LARP7: variants seen among roughly 807,000 people sequenced by gnomAD.
The protein encoded by LARP7 is La ribonucleoprotein 7, transcriptional regulator, also known as la-related protein 7.
Under a neutral mutation model 69.3 loss-of-function variants are expected in LARP7, and 52 were observed. That is an observed-to-expected ratio of 0.75 (90% CI 0.60 to 0.95). LARP7 has a LOEUF of 0.95. Among genes scored for constraint, LARP7 ranks in the 40% least tolerant of loss-of-function variants. The pLI is 0.00. For synonymous variants in LARP7, 254 were observed against 215.9 expected (o/e 1.18, Z -1.55); for missense variants, 733 against 673.0 (o/e 1.09, Z -0.99).
intron 11 of LARP7, among the ~76,000 whole-genome samples, chr4:112,653,805 T>C (rs552134747): frequency 1.3e-5 from 2 of 152,296 alleles, no homozygotes; most frequent in Admixed American, 6.5e-5. Context: ...ATATTTTTAG[T>C]AGAGAAGGGG....
At position 112,644,914 on chromosome 4, in the gene LARP7, GC is replaced by G. The variant is rs372774657; in HGVS notation, c.202+45del. On this transcript the variant is annotated intron_variant, in intron 2 of 12. Coordinates refer to ENST00000344442, the MANE Select transcript of LARP7 (RefSeq NM_016648.4). ...AAGGAACCAATTTTTAGATATGGTTGCCTTTAAATTTACTTATAAAATAATA... is the reference window on the plus strand; with the variant it reads ...AAGGAACCAATTTTTAGATATGGTTGCTTTAAATTTACTTATAAAATAATA... 148 of 873,264 alleles carry G rather than the reference GC, an allele frequency of 1.7e-4. No individual in the cohort carries two copies. The East Asian group carries it at 3.8e-3, about 23-fold the overall frequency. 54.1% of individuals were successfully genotyped at this position (873,264 alleles called of 1,614,324 possible). A position where few individuals can be genotyped will look rare whatever the true frequency, so the allele number is the denominator to read the frequency against.
Position 112,644,677 on chromosome 4 carries a change from CTG to C in LARP7, c.9_10del (p.Glu4LysfsTer14), listed in dbSNP as rs1198805616. On this transcript the variant is annotated frameshift_variant, in exon 2 of 13. Coordinates refer to ENST00000344442, the MANE Select transcript of LARP7 (RefSeq NM_016648.4). LOFTEE classifies it high-confidence loss of function. ...TTCTTGTAATTCACAGGAATGGAAA[CTG>C]AAAGTGGAAATCAGGAAAAGGTAAT... 3.1e-6 allele frequency: 5 copies of C among 1,598,400 alleles called. No individual in the cohort carries two copies. The highest frequency in any genetic ancestry group is 2.2e-5 in the East Asian group (1 of 44,462).
intron 12 of LARP7, chr4:112,654,385 T>A: frequency 2.4e-6 from 1 of 412,016 alleles, no homozygotes; most frequent in Non-Finnish European, 4.4e-6. Context: ...TTAATTTAGA[T>A]TTTTTCTTTT....
rs557175363 is a variant in LARP7, at chr4:112,642,453, T to C, written c.-2-2215T>C. ...AGTTTGATGAGAATGCATGTTTAGT[T>C]GGAGATTTGAGGTGAAATGCATTAA... On this transcript the variant is annotated intron_variant, in intron 1 of 12. Transcript: ENST00000344442. Among the ~76,000 whole-genome samples the C allele has an allele frequency of 2.6e-5, 4 of 152,360 alleles. No individual in the cohort carries two copies. In the East Asian group the frequency reaches 5.8e-4, roughly 22 times the overall value.
rs775430086 is a variant in LARP7 at position 112,647,231 on chromosome 4, C to A, written c.679C>A (p.Arg227=). ...GAAAAAGAAAAAGAAGAAGAAAGGC[C>A]GAATGAAAAAGGAAGACAATATCCA... is the stretch of plus-strand genomic sequence containing the variant. The part of the protein sequence containing the change: ...EKKKKKKKKG[R]MKKEDNIQAK... Residue 227 remains arginine, a synonymous_variant, in exon 7 of 13, where the codon CGA becomes AGA. Transcript: ENST00000344442. 7 of 1,595,814 alleles carry A rather than the reference C, an allele frequency of 4.4e-6. No homozygotes were observed. In the Admixed American group the frequency reaches 1.3e-4, roughly 29 times the overall value.
At chr4:112,653,263 T>C (rs1008720962) in intron 11 of LARP7, 27 bp downstream of exon 11, 1 of 1,545,702 alleles carries the variant, frequency 6.5e-7, no homozygotes, top group Non-Finnish European at 8.7e-7. Context: ...GTTTCCTTTT[T>C]TTTTTGTTAT....
chr4:112,647,134 A>G lies in LARP7; in HGVS notation c.646+7A>G. 1 of 1,601,372 alleles carries G rather than the reference A, an allele frequency of 6.2e-7. No individual in the cohort carries two copies. The highest frequency in any genetic ancestry group is 1.8e-5 in the Admixed American group (1 of 56,422). On this transcript the variant is annotated splice_region_variant and intron_variant, in intron 6 of 12. Coordinates refer to ENST00000344442, the MANE Select transcript of LARP7 (RefSeq NM_016648.4). ...CCAGCCTTAAGAGTTGTGGGTGAGTATTTTTCAATATTTAAATAGGTGTAG... is the reference window on the plus strand; with the variant it reads ...CCAGCCTTAAGAGTTGTGGGTGAGTGTTTTTCAATATTTAAATAGGTGTAG...
intron 11 of LARP7, among the ~76,000 whole-genome samples, chr4:112,653,670 G>T (rs548824369): frequency 1.3e-5 from 2 of 152,254 alleles, no homozygotes; most frequent in Admixed American, 1.3e-4. Context: ...TTTTAATAGA[G>T]ACGGGGTTTC....
At position 112,649,680 on chromosome 4, in the gene LARP7, G is replaced by A. The variant is rs1180046429; in HGVS notation, c.1288G>A (p.Glu430Lys). 9 of 1,582,974 alleles carry A rather than the reference G, an allele frequency of 5.7e-6. No homozygotes were observed. In the Admixed American group the frequency reaches 7.5e-5, roughly 13 times the overall value. Reference sequence around the variant, plus strand: ...ACCTCAAAACACTGGAATGAAAAATGAAAAAAGTAAAGATCACTGATAGTT... The same window carrying A: ...ACCTCAAAACACTGGAATGAAAAATAAAAAAAGTAAAGATCACTGATAGTT... ...GVPQNTGMKNEKTANREECRT... is the reference protein window; with the variant it reads ...GVPQNTGMKNKKTANREECRT... Residue 430 changes from glutamate (E) to lysine (K), a missense_variant, in exon 9 of 13, where the codon GAA becomes AAA. Physicochemically the swap from Glu to Lys is moderately conservative, Grantham distance 56. Coordinates refer to ENST00000344442, the MANE Select transcript of LARP7 (RefSeq NM_016648.4).
Position 112,654,157 on chromosome 4 carries a change from A to G in LARP7, c.1666A>G (p.Lys556Glu), listed in dbSNP as rs1260190511. The change falls in exon 12 of 13, where the codon AAG (lysine) becomes GAG (glutamate). Residue 556 changes from lysine (K) to glutamate (E), a missense_variant and splice_region_variant. Transcript: ENST00000344442. ...QPREKKRGTEKLITKAEKIRL... is the reference protein window; with the variant it reads ...QPREKKRGTEELITKAEKIRL... The stretch of plus-strand genomic sequence containing the variant: ...TCGGGAAAAGAAAAGAGGCACTGAA[A>G]AGGTAATTGATTCATTTTTGTTTTT... 2 of 1,611,948 alleles carry G rather than the reference A, an allele frequency of 1.2e-6. No individual in the cohort carries two copies. The highest frequency in any genetic ancestry group is 1.7e-6 in the Non-Finnish European group (2 of 1,178,308).
Position 112,645,531 on chromosome 4 carries a change from G to A in LARP7, c.202+660G>A, listed in dbSNP as rs145607208. On this transcript the variant is annotated intron_variant, in intron 2 of 12. Coordinates refer to ENST00000344442, the MANE Select transcript of LARP7 (RefSeq NM_016648.4). ...TTTTTGTTTCATTTTTTTGAGGCAA[G>A]GTCTATCTTTTTTCCCTAGGCAGGA... 5.9e-3 allele frequency: 2,710 copies of A among 456,058 alleles called. 75 individuals carry two copies. In the East Asian group the frequency reaches 0.093, roughly 16 times the overall value. The allele number at this position is 456,058 out of a possible 1,614,324, so 28.3% of individuals were successfully genotyped here.
At position 112,647,742 on chromosome 4, in the gene LARP7, C is replaced by T. The variant is rs777955582; in HGVS notation, c.1050C>T (p.Ser350=). The change falls in exon 8 of 13, where the codon AGC becomes AGT. Residue 350 remains serine, a synonymous_variant. Transcript: ENST00000344442. ...EEKDTGDLKD[S]SLLKTKRKHK... ...AGGATACTGGAGATCTAAAAGATAG[C>T]TCTCTCTTGAAAACAAAAAGGAAAC... is the stretch of plus-strand genomic sequence containing the variant. 2 of 1,559,746 alleles carry T rather than the reference C, an allele frequency of 1.3e-6. No individual in the cohort carries two copies. The highest frequency in any genetic ancestry group is 2.2e-5 in the East Asian group (1 of 44,536).
At chr4:112,650,882 T>C (rs561923139) in intron 10 of LARP7, among the ~76,000 whole-genome samples, 1 of 152,320 alleles carries the variant, frequency 6.6e-6, no homozygotes, top group African/African-American at 2.4e-5. Context: ...ACCTATGTGC[T>C]GATTATCTTT....
chr4:112,646,970 TAAA>T lies in LARP7; in HGVS notation c.552+26_552+28del, dbSNP rs747753883. The stretch of plus-strand genomic sequence containing the variant: ...AAGCAATTGAGGTAAGTCCAGATCC[TAAA>T]AAAAAAAAAAGAAAGAAAAGAAAAC... On this transcript the variant is annotated intron_variant, in intron 5 of 12. Coordinates refer to ENST00000344442, the MANE Select transcript of LARP7 (RefSeq NM_016648.4). 2.4e-5 allele frequency: 33 copies of T among 1,384,730 alleles called. No homozygotes were observed. Among genetic ancestry groups the T allele is most frequent in the South Asian group, 2.1e-4 (16 of 76,706 alleles). The allele number at this position is 1,384,730 out of a possible 1,614,324, so 85.8% of individuals were successfully genotyped here.
Position 112,653,185 on chromosome 4 carries a change from G to T in LARP7, c.1525G>T (p.Ala509Ser). 2 of 1,605,446 alleles carry T rather than the reference G, an allele frequency of 1.2e-6. No individual in the cohort carries two copies. Among genetic ancestry groups the T allele is most frequent in the Non-Finnish European group, 1.7e-6 (2 of 1,176,628 alleles). ...TGAGGATGCTCAAGCAGTAATAAATGCCTATACAGAAATTAACAAGAAACA... is the reference window on the plus strand; with the variant it reads ...TGAGGATGCTCAAGCAGTAATAAATTCCTATACAGAAATTAACAAGAAACA... ...TPEDAQAVIN[A>S]YTEINKKHCW... The change falls in exon 11 of 13, where the codon GCC becomes TCC. Residue 509 changes from alanine to serine, a missense_variant. Transcript: ENST00000344442.
intron 8 of LARP7, 94 bp from the exon 9 acceptor site, chr4:112,649,441 G>A (rs2048597662): frequency 9.8e-7 from 1 of 1,024,508 alleles, no homozygotes; most frequent in Admixed American, 3.4e-5. Context: ...TGGTGGAGGA[G>A]TTGCTCCAAG....
chr4:112,650,604 G>T, intron 10 of LARP7, 22 bp downstream of exon 10: 2 of 1,601,962 alleles, frequency 1.2e-6, no homozygotes, highest in East Asian at 2.2e-5. Flanking sequence ...GAGCCCCTAG[G>T]GTATTTGTTC....
chr4:112,644,897 A>G (rs1402622331), intron 2 of LARP7, 26 bp downstream of exon 2: 20 of 1,216,984 alleles, frequency 1.6e-5, no homozygotes, highest in Non-Finnish European at 2.3e-5. Context: ...TAAAGGAACC[A>G]ATTTTTAGAT....
At chr4:112,644,493 A>C in intron 1 of LARP7, 175 bp from the exon 2 acceptor site, 1 of 1,159,868 alleles carries the variant, frequency 8.6e-7, no homozygotes, top group Non-Finnish European at 1.1e-6. Flanking sequence ...TAGAAGGTAA[A>C]TTATTTTTAA....
Sources: gnomAD v4.1 joint callset for allele counts (sites outside exome capture counted in the v4.1 genomes callset) on GRCh38, gnomAD v4.1.1 for gene constraint, MANE v1.5 for transcripts, NCBI Gene and HGNC (gene_info 2026-07-23, HGNC 2026-07-21) for gene names.